CNTNAP3: variants seen among roughly 807,000 people sequenced by gnomAD.
CNTNAP3 encodes the protein contactin associated protein family member 3.
A neutral mutation model predicts 92.1 loss-of-function variants in CNTNAP3; 36 were observed. The ratio of observed to expected loss-of-function variants is 0.39; its 90% confidence interval spans 0.30 to 0.52. The LOEUF (loss-of-function observed/expected upper bound fraction) is 0.52. Among genes scored for constraint, CNTNAP3 ranks in the 20% least tolerant of loss-of-function variants. The probability of loss-of-function intolerance (pLI) is 0.76; values close to 1 mark genes in which losing one functional copy is unlikely to be tolerated. For missense variants in CNTNAP3, 534 were observed against 1,069.6 expected (o/e 0.50, Z 6.98); for synonymous variants, 232 against 422.3 (o/e 0.55, Z 5.53).
chr9:39,115,252 C>T (rs991462937), intron 14 of CNTNAP3, among the ~76,000 whole-genome samples: 80 of 150,398 alleles, frequency 5.3e-4, no homozygotes, highest in South Asian at 1.1e-3. Flanking sequence ...ACTTTCATTC[C>T]CAAATACTAT....
At chr9:39,109,804 G>A (rs1375327677) in intron 14 of CNTNAP3, among the ~76,000 whole-genome samples, 4 of 151,984 alleles carry the variant, frequency 2.6e-5, no homozygotes, top group Non-Finnish European at 5.9e-5. Context: ...TACAGAGAAG[G>A]GGAAAAATCA....
intron 13 of CNTNAP3, among the ~76,000 whole-genome samples, chr9:39,122,791 T>A (rs1280212562): frequency 6.6e-6 from 1 of 152,090 alleles, no homozygotes; most frequent in Non-Finnish European, 1.5e-5. Context: ...AAATATCAGA[T>A]AAAGAATTTG....
chr9:39,124,947 T>A (rs1423761362), intron 13 of CNTNAP3, among the ~76,000 whole-genome samples: 1 of 152,136 alleles, frequency 6.6e-6, no homozygotes, highest in East Asian at 1.9e-4. Context: ...GAAGACAGTG[T>A]TGCGATTCCT....
Position 39,118,241 on chromosome 9 carries a change from C to A in CNTNAP3, c.2099G>T (p.Trp700Leu). 1 of 1,612,370 alleles carries A rather than the reference C, an allele frequency of 6.2e-7. No individual in the cohort carries two copies. Among genetic ancestry groups the A allele is most frequent in the Non-Finnish European group, 8.5e-7 (1 of 1,179,568 alleles). The change falls in exon 14 of 24, where the codon TGG (tryptophan) becomes TTG (leucine). Residue 700 changes from tryptophan (W) to leucine (L), a missense_variant. Trp to Leu is a moderately conservative substitution (Grantham distance 61). Coordinates refer to ENST00000297668, the MANE Select transcript of CNTNAP3 (RefSeq NM_033655.5). ...PDSRDGTPLS[W>L]WVGRTNETHT... ...TGTTTCATTGGTTCTTCCAACCCAC[C>A]AGCTCAGTGGGGTTCCATCTGAAAG... is the stretch of plus-strand genomic sequence containing the variant.
intron 10 of CNTNAP3, among the ~76,000 whole-genome samples, chr9:39,146,379 G>T (rs978371922): frequency 1.3e-5 from 2 of 152,062 alleles, no homozygotes; most frequent in African/African-American, 4.8e-5. Context: ...TCTGATGTAA[G>T]AGGTGATTAA....
At chr9:39,119,726 G>T (rs1820957097) in intron 13 of CNTNAP3, among the ~76,000 whole-genome samples, 1 of 152,094 alleles carries the variant, frequency 6.6e-6, no homozygotes, top group African/African-American at 2.4e-5. Context: ...CAAGTATAAT[G>T]ATAGATTCTG....
intron 15 of CNTNAP3, among the ~76,000 whole-genome samples, chr9:39,106,167 A>G (rs940134487): frequency 7.9e-5 from 12 of 152,226 alleles, no homozygotes; most frequent in Non-Finnish European, 1.5e-4. Flanking sequence ...AAGGGAAAAG[A>G]ATCAATAAGT....
intron 15 of CNTNAP3, chr9:39,106,672 G>A (rs1758535): frequency 6.6e-6 from 1 of 151,888 alleles, no homozygotes. Flanking sequence ...ATACAGCCAC[G>A]TTTGGAGAGA....
intron 1 of CNTNAP3, among the ~76,000 whole-genome samples, chr9:39,280,197 A>C (rs936677480): frequency 1.0e-5 from 1 of 95,698 alleles, no homozygotes; most frequent in African/African-American, 3.3e-5. Flanking sequence ...CAGGGAGTTC[A>C]TGCCCCAGTT....
chr9:39,112,773 C>T (rs1364851724), intron 14 of CNTNAP3, among the ~76,000 whole-genome samples: 1 of 152,138 alleles, frequency 6.6e-6, no homozygotes, highest in Non-Finnish European at 1.5e-5. Context: ...GTTTAATTGC[C>T]TATCTTCTGG....
In CNTNAP3 at chr9:39,159,410, TA is replaced by T. The variant is rs1309891887; in HGVS notation, c.1477+6522del. 3.9e-4 allele frequency: 52 copies of T among 132,832 alleles called. 1 individual carries two copies. Among genetic ancestry groups the T allele is most frequent in the African/African-American group, 1.3e-3 (44 of 34,210 alleles). The allele number at this position is 132,832 out of a possible 1,614,324, so 8.2% of individuals were successfully genotyped here. The stretch of plus-strand genomic sequence containing the variant: ...TTAAAAAACATTTTATATATATATA[TA>T]TTTTTTTTTCCAGTGATTATCCTGC... On this transcript the variant is annotated intron_variant, in intron 9 of 23. Coordinates refer to ENST00000297668, the MANE Select transcript of CNTNAP3 (RefSeq NM_033655.5).
intron 12 of CNTNAP3, among the ~76,000 whole-genome samples, chr9:39,135,455 C>A (rs1027440185): frequency 2.0e-5 from 3 of 151,990 alleles, no homozygotes; most frequent in Non-Finnish European, 2.9e-5. Context: ...TCTGAACACA[C>A]TGGAGGCTGT....
chr9:39,126,535 G>A (rs943695216), intron 13 of CNTNAP3, among the ~76,000 whole-genome samples: 11 of 152,120 alleles, frequency 7.2e-5, no homozygotes, highest in African/African-American at 2.7e-4. Context: ...CATGGATGAA[G>A]CAATCCTTAA....
intron 3 of CNTNAP3, among the ~76,000 whole-genome samples, chr9:39,228,528 C>A (rs187697354): frequency 0.012 from 34 of 2,774 alleles, 1 homozygote; most frequent in Admixed American, 0.018. Context: ...GTATTAAAAA[C>A]TGTGAGCCGT....
At chr9:39,238,532 T>A (rs10974196) in intron 3 of CNTNAP3, among the ~76,000 whole-genome samples, 352 of 1,638 alleles carry the variant, frequency 0.21, 97 homozygotes, top group African/African-American at 0.22. Flanking sequence ...TCTCTTAAAA[T>A]AAAAAAAAAA....
At chr9:39,099,567 A>T (rs1826405596) in intron 18 of CNTNAP3, among the ~76,000 whole-genome samples, 1 of 152,160 alleles carries the variant, frequency 6.6e-6, no homozygotes, top group Non-Finnish European at 1.5e-5. Flanking sequence ...GTCTCTAAAA[A>T]TTAAAAACAA....
intron 21 of CNTNAP3, among the ~76,000 whole-genome samples, chr9:39,083,621 T>C (rs1825998540): frequency 6.6e-6 from 1 of 152,166 alleles, no homozygotes. Flanking sequence ...ATTGCGCCAC[T>C]GCACTCCAGC....
chr9:39,077,534 G>A (rs1825811246), intron 23 of CNTNAP3, among the ~76,000 whole-genome samples: 1 of 151,766 alleles, frequency 6.6e-6, no homozygotes. Flanking sequence ...TCCAGCCTGG[G>A]CGACACAGCG....
chr9:39,131,976 A>T (rs1758266), intron 13 of CNTNAP3, among the ~76,000 whole-genome samples: 5,713 of 149,058 alleles, frequency 0.038, 237 homozygotes, highest in African/African-American at 0.094. Flanking sequence ...ATTGAAAATT[A>T]AAGAGTGAAA....
Sources: gnomAD v4.1 joint callset for allele counts (sites outside exome capture counted in the v4.1 genomes callset) on GRCh38, gnomAD v4.1.1 for gene constraint, MANE v1.5 for transcripts, NCBI Gene and HGNC (gene_info 2026-07-23, HGNC 2026-07-21) for gene names.